Variants in FAM174A observed in about 807,000 individuals in gnomAD.
FAM174A encodes the protein membrane protein FAM174A.
In FAM174A, 14 loss-of-function variants were observed where a neutral mutation model predicts 14.3. The ratio of observed to expected loss-of-function variants is 0.98; its 90% CI spans 0.65 to 1.53. The LOEUF is 1.53. Among genes scored for constraint, FAM174A ranks in the 40% most tolerant of loss-of-function variants. The probability of loss-of-function intolerance (pLI) is 0.00; values close to 1 mark genes in which losing one functional copy is unlikely to be tolerated. For missense variants in FAM174A, 241 were observed against 249.6 expected, an observed-to-expected ratio of 0.97 and a Z score of 0.23; for synonymous variants, 108 against 111.4, an observed-to-expected ratio of 0.97 and a Z score of 0.19.
chr5:100,571,219 G>A (rs987932878), intron 2 of FAM174A, among the ~76,000 whole-genome samples: 41 of 151,476 alleles, frequency 2.7e-4, no homozygotes, highest in Admixed American at 5.9e-4. Context: ...TAGGGTTTGC[G>A]TTTCTCATAA....
intron 1 of FAM174A, among the ~76,000 whole-genome samples, chr5:100,539,450 A>G (rs1484747099): frequency 6.6e-6 from 1 of 152,186 alleles, no homozygotes; most frequent in Non-Finnish European, 1.5e-5. Flanking sequence ...GCTAAGACAC[A>G]ACGTTAGGTT....
intron 1 of FAM174A, among the ~76,000 whole-genome samples, chr5:100,556,970 C>T (rs923313370): frequency 6.6e-6 from 1 of 152,150 alleles, no homozygotes; most frequent in African/African-American, 2.4e-5. Flanking sequence ...CCAGAACTTC[C>T]AACACTATGT....
At chr5:100,572,905 C>T (rs1220009074) in intron 2 of FAM174A, among the ~76,000 whole-genome samples, 2 of 152,160 alleles carry the variant, frequency 1.3e-5, no homozygotes, top group African/African-American at 2.4e-5. Flanking sequence ...ACATCCTCTC[C>T]AGCACCTGTT....
At chr5:100,537,347 T>G (rs1745961718) in intron 1 of FAM174A, among the ~76,000 whole-genome samples, 2 of 152,196 alleles carry the variant, frequency 1.3e-5, no homozygotes, top group South Asian at 4.1e-4. Context: ...TAAATGTCAT[T>G]CTTTTTACGT....
At chr5:100,560,941 A>G (rs1454232990) in intron 1 of FAM174A, among the ~76,000 whole-genome samples, 1 of 152,046 alleles carries the variant, frequency 6.6e-6, no homozygotes, top group Non-Finnish European at 1.5e-5. Context: ...CCAAAGTAGA[A>G]GTCACTCAGA....
At chr5:100,567,404 A>G (rs247933) in intron 2 of FAM174A, among the ~76,000 whole-genome samples, 86,523 of 151,678 alleles carry the variant, frequency 0.57, 27,138 homozygotes, top group African/African-American at 0.82. Context: ...GTGAAGTTTG[A>G]CTGCCAGTGG....
At chr5:100,536,221 A>G (rs1250184772) in intron 1 of FAM174A, among the ~76,000 whole-genome samples, 1 of 152,212 alleles carries the variant, frequency 6.6e-6, no homozygotes, top group Non-Finnish European at 1.5e-5. Context: ...CGTCAGCCTC[A>G]AAGGGCACCC....
At chr5:100,581,409 G>C (rs114168731) in intron 2 of FAM174A, 51,370 of 983,078 alleles carry the variant, frequency 0.052, 1,538 homozygotes, top group Non-Finnish European at 0.058. Flanking sequence ...CACTGAGTAG[G>C]TGGCAATTGA....
intron 1 of FAM174A, among the ~76,000 whole-genome samples, chr5:100,544,659 T>C (rs1184279913): frequency 1.3e-5 from 2 of 152,190 alleles, no homozygotes; most frequent in Non-Finnish European, 2.9e-5. Context: ...TATATGCTTG[T>C]GCAGAGAAGT....
chr5:100,562,064 A>T lies in FAM174A; in HGVS notation c.445A>T (p.Arg149Ter), dbSNP rs1746535230. The change falls in exon 2 of 3, where the codon AGA becomes TGA. Residue 149 changes from arginine to a stop codon, truncating the protein, a stop_gained. Coordinates refer to ENST00000312637, the MANE Select transcript of FAM174A (RefSeq NM_198507.3). LOFTEE classifies it high-confidence loss of function. ...TGTTCTATTTGATAGGATGAGAAGAAGAAACCGAAAGACTAGGAGATATGG... is the reference window on the plus strand; with the variant it reads ...TGTTCTATTTGATAGGATGAGAAGATGAAACCGAAAGACTAGGAGATATGG... ...FVVRTVRMRR[R>*]NRKTRRYGVL... 1 of 1,566,428 alleles carries T rather than the reference A, an allele frequency of 6.4e-7. No homozygotes were observed. Among genetic ancestry groups the T allele is most frequent in the African/African-American group, 1.4e-5 (1 of 71,972 alleles).
chr5:100,576,083 T>C (rs988326669), intron 2 of FAM174A, among the ~76,000 whole-genome samples: 6 of 152,324 alleles, frequency 3.9e-5, no homozygotes, highest in African/African-American at 1.4e-4. Flanking sequence ...TAGTCAGCTC[T>C]TTCTGAGAGT....
At chr5:100,546,314 C>G (rs952862684) in intron 1 of FAM174A, among the ~76,000 whole-genome samples, 4 of 152,190 alleles carry the variant, frequency 2.6e-5, no homozygotes, top group Admixed American at 2.0e-4. Context: ...GGCACAGTTA[C>G]ATCTGTTCAT....
chr5:100,576,105 A>G (rs1206272878), intron 2 of FAM174A, among the ~76,000 whole-genome samples: 2 of 152,162 alleles, frequency 1.3e-5, no homozygotes, highest in Non-Finnish European at 2.9e-5. Context: ...GTGTTTTTTA[A>G]TGTGGCCTTA....
rs576504083 is a variant in FAM174A, at chr5:100,554,878, G to A, written c.435-7176G>A. Among the ~76,000 whole-genome samples the A allele has an allele frequency of 2.5e-4, 38 of 152,086 alleles. No individual in the cohort carries two copies. The South Asian group carries it at 7.7e-3, about 31-fold the overall frequency. On this transcript the variant is annotated intron_variant, in intron 1 of 2. Transcript: ENST00000312637. ...TATGTCGCAGAGTGTGTCCTACAGAGCATAAAATACTATCTAATTTTTTTT... is the reference window on the plus strand; with the variant it reads ...TATGTCGCAGAGTGTGTCCTACAGAACATAAAATACTATCTAATTTTTTTT...
chr5:100,562,854 G>C (rs1746556675), intron 2 of FAM174A, among the ~76,000 whole-genome samples: 1 of 151,590 alleles, frequency 6.6e-6, no homozygotes, highest in African/African-American at 2.4e-5. Flanking sequence ...CATGAGTATA[G>C]AATAAATGCC....
At chr5:100,572,851 A>G (rs1014053128) in intron 2 of FAM174A, among the ~76,000 whole-genome samples, 2 of 152,148 alleles carry the variant, frequency 1.3e-5, no homozygotes, top group African/African-American at 4.8e-5. Flanking sequence ...TGGTTGAACT[A>G]GTTTACAGTC....
chr5:100,560,774 T>C (rs1374111453), intron 1 of FAM174A, among the ~76,000 whole-genome samples: 1 of 152,046 alleles, frequency 6.6e-6, no homozygotes, highest in Non-Finnish European at 1.5e-5. Flanking sequence ...AGAATTTATG[T>C]AAACTGATTT....
chr5:100,556,653 T>C (rs1746390387), intron 1 of FAM174A, among the ~76,000 whole-genome samples: 1 of 152,198 alleles, frequency 6.6e-6, no homozygotes, highest in African/African-American at 2.4e-5. Context: ...GAAGAGGTCC[T>C]TCACGTCCCT....
At chr5:100,557,861 A>C (rs1176824155) in intron 1 of FAM174A, among the ~76,000 whole-genome samples, 1 of 151,418 alleles carries the variant, frequency 6.6e-6, no homozygotes, top group Non-Finnish European at 1.5e-5. Context: ...GCAGTCTATC[A>C]ATTTTGTTGA....
Sources: allele counts gnomAD v4.1 joint callset (sites outside exome capture counted in the v4.1 genomes callset), GRCh38; gene constraint gnomAD v4.1.1; transcripts MANE v1.5; gene names NCBI Gene and HGNC (gene_info 2026-07-23, HGNC 2026-07-21).